The following MAP2 variants were observed in gnomAD, a reference collection of about 807,000 sequenced individuals.
MAP2 encodes the protein microtubule associated protein 2.
In MAP2, 14 loss-of-function variants were observed where a neutral mutation model predicts 137.6. The ratio of observed to expected loss-of-function variants is 0.10; its 90% CI spans 0.07 to 0.16. The LOEUF (loss-of-function observed/expected upper bound fraction) is 0.16. MAP2 is among the 10% of genes least tolerant of loss of function. The pLI, the probability that MAP2 is intolerant of heterozygous loss-of-function variation, is 1.00. For synonymous variants in MAP2, 786 were observed against 782.3 expected, an observed-to-expected ratio of 1.00 and a Z score of -0.08; for missense variants, 2,088 against 2,191.5, an observed-to-expected ratio of 0.95 and a Z score of 0.94.
chr2:209,637,856 C>T lies in MAP2; in HGVS notation c.-30+12727C>T, dbSNP rs560270433. Among the ~76,000 whole-genome samples, 3 of 151,992 alleles carry T rather than the reference C, an allele frequency of 2.0e-5. No homozygotes were observed. The South Asian group carries it at 6.2e-4, about 32-fold the overall frequency. ...TGTTTTATTTTAATATTAACTTAAT[C>T]TTTTTTGTGTTCTTAATAATTTTTT... On this transcript the variant is annotated intron_variant, in intron 4 of 15. Transcript: ENST00000682079.
intron 13 of MAP2, among the ~76,000 whole-genome samples, chr2:209,713,647 T>G (rs1057405123): frequency 6.6e-6 from 1 of 152,146 alleles, no homozygotes; most frequent in Non-Finnish European, 1.5e-5. Context: ...TAAATCTAAG[T>G]TTTAGAATAA....
intron 3 of MAP2, among the ~76,000 whole-genome samples, chr2:209,582,063 ATTT>A (rs1400363703): frequency 6.6e-6 from 1 of 151,998 alleles, no homozygotes; most frequent in Non-Finnish European, 1.5e-5. Flanking sequence ...GATTTCACTC[ATTT>A]TTTTCACTTA....
At chr2:209,558,452 G>A (rs1421863175) in intron 2 of MAP2, among the ~76,000 whole-genome samples, 4 of 151,960 alleles carry the variant, frequency 2.6e-5, no homozygotes, top group Non-Finnish European at 2.9e-5. Context: ...GCCTCCCAGC[G>A]TGCTGGGATT....
intron 3 of MAP2, among the ~76,000 whole-genome samples, chr2:209,598,437 TTTTTA>T (rs2081992286): frequency 6.6e-6 from 1 of 151,502 alleles, no homozygotes; most frequent in African/African-American, 2.4e-5. Flanking sequence ...TTTATTTTAT[TTTTTA>T]TTTTATTTTT....
intron 2 of MAP2, among the ~76,000 whole-genome samples, chr2:209,528,566 C>T (rs2064472545): frequency 6.6e-6 from 1 of 151,972 alleles, no homozygotes; most frequent in Non-Finnish European, 1.5e-5. Context: ...ATTTGGTTAA[C>T]ATATTGACAG....
intron 2 of MAP2, among the ~76,000 whole-genome samples, chr2:209,539,743 G>A (rs1029540907): frequency 6.6e-6 from 1 of 151,668 alleles, no homozygotes; most frequent in African/African-American, 2.4e-5. Flanking sequence ...ATGGAATAGT[G>A]CAAATTTGTT....
intron 1 of MAP2, among the ~76,000 whole-genome samples, chr2:209,446,530 A>G (rs959648208): frequency 9.9e-5 from 15 of 151,876 alleles, no homozygotes; most frequent in Admixed American, 1.3e-4. Context: ...ACATTTTAAA[A>G]TGTAGAAAAT....
chr2:209,642,428 GA>G (rs202048552), intron 4 of MAP2, among the ~76,000 whole-genome samples: 1,233 of 114,776 alleles, frequency 0.011, 15 homozygotes, highest in African/African-American at 0.032. Flanking sequence ...CCCTGTCTTT[GA>G]AAAAAAAAAA....
intron 4 of MAP2, 93 bp from the exon 5 acceptor site, chr2:209,653,049 C>T: frequency 3.2e-6 from 3 of 940,820 alleles, no homozygotes; most frequent in Non-Finnish European, 4.6e-6. Context: ...TAGAAAGCCA[C>T]ACGGTTTGCT....
Position 209,710,124 on chromosome 2 carries a change from G to A in MAP2, c.4943G>A (p.Arg1648His), listed in dbSNP as rs767308315. 5.6e-6 allele frequency: 9 copies of A among 1,613,924 alleles called. No homozygotes were observed. The highest frequency in any genetic ancestry group is 6.8e-6 in the Non-Finnish European group (8 of 1,180,006). ...VPSEKKVAII[R>H]TPPKSPATPK... Reference sequence around the variant, plus strand: ...AGTGAGAAGAAGGTCGCCATCATACGTACTCCTCCAAAATCTCCTGCGACT... The same window carrying A: ...AGTGAGAAGAAGGTCGCCATCATACATACTCCTCCAAAATCTCCTGCGACT... The change falls in exon 13 of 16, where the codon CGT becomes CAT. Residue 1648 changes from arginine (R) to histidine (H), a missense_variant. By Grantham distance (29) the Arg-to-His change is conservative. Coordinates refer to ENST00000682079, the MANE Select transcript of MAP2 (RefSeq NM_001375505.1).
chr2:209,547,820 GT>G (rs2068384948), intron 2 of MAP2, among the ~76,000 whole-genome samples: 1 of 152,110 alleles, frequency 6.6e-6, no homozygotes, highest in African/African-American at 2.4e-5. Context: ...TTATTATGAT[GT>G]TTATTAAATG....
intron 3 of MAP2, among the ~76,000 whole-genome samples, chr2:209,593,005 T>C (rs2079688649): frequency 6.6e-6 from 1 of 152,102 alleles, no homozygotes; most frequent in Admixed American, 6.5e-5. Context: ...ATCATCAACT[T>C]TACCTTTAGT....
intron 2 of MAP2, among the ~76,000 whole-genome samples, chr2:209,544,277 G>GT (rs986891437): frequency 1.3e-5 from 2 of 151,798 alleles, no homozygotes; most frequent in Admixed American, 1.3e-4. Context: ...TTTAGTTTTT[G>GT]TTTTGTTTTG....
chr2:209,438,936 G>A (rs1697055517), intron 1 of MAP2, among the ~76,000 whole-genome samples: 1 of 150,846 alleles, frequency 6.6e-6, no homozygotes, highest in African/African-American at 2.4e-5. Flanking sequence ...GAATAAAATA[G>A]ACCTCCTGTT....
intron 2 of MAP2, among the ~76,000 whole-genome samples, chr2:209,528,827 T>C (rs2064568316): frequency 6.6e-6 from 1 of 151,446 alleles, no homozygotes; most frequent in Non-Finnish European, 1.5e-5. Flanking sequence ...TATGTATATG[T>C]ACATATGTAT....
At chr2:209,607,516 C>T (rs2085198447) in intron 3 of MAP2, among the ~76,000 whole-genome samples, 1 of 152,204 alleles carries the variant, frequency 6.6e-6, no homozygotes, top group Non-Finnish European at 1.5e-5. Context: ...CTCATTGCAA[C>T]CGCTGCCTCC....
At chr2:209,572,111 A>G (rs529638208) in intron 2 of MAP2, among the ~76,000 whole-genome samples, 12 of 152,080 alleles carry the variant, frequency 7.9e-5, no homozygotes, top group Admixed American at 3.3e-4. Context: ...TCATCATACT[A>G]AGATTCTAAA....
intron 12 of MAP2, among the ~76,000 whole-genome samples, chr2:209,708,181 C>T (rs945101398): frequency 2.6e-5 from 4 of 152,144 alleles, no homozygotes; most frequent in East Asian, 1.9e-4. Context: ...CAGACATCTA[C>T]GTTACAAACT....
chr2:209,709,129 C>CCTA (rs2064507064), intron 12 of MAP2, among the ~76,000 whole-genome samples: 1 of 152,034 alleles, frequency 6.6e-6, no homozygotes, highest in Admixed American at 6.6e-5. Flanking sequence ...CATCTCAGAT[C>CCTA]CTGTATAATT....
Sources: allele counts gnomAD v4.1 joint callset (sites outside exome capture counted in the v4.1 genomes callset), GRCh38; gene constraint gnomAD v4.1.1; transcripts MANE v1.5; gene names NCBI Gene and HGNC (gene_info 2026-07-23, HGNC 2026-07-21).